The following HIVEP3 variants were observed in gnomAD, a reference collection of about 807,000 sequenced individuals.
HIVEP3 encodes the protein HIVEP zinc finger 3.
HIVEP3 carries 49 observed loss-of-function variants against 152.8 expected under a neutral mutation model. The ratio of observed to expected loss-of-function variants is 0.32; its 90% CI spans 0.26 to 0.41. The LOEUF is 0.41. Among genes scored for constraint, HIVEP3 ranks in the 10% least tolerant of loss-of-function variants. The probability of loss-of-function intolerance (pLI) is 1.00; values close to 1 mark genes in which losing one functional copy is unlikely to be tolerated. For synonymous variants in HIVEP3, 1,269 were observed against 1,289.0 expected (o/e 0.98, Z 0.33); for missense variants, 2,790 against 3,103.3 (o/e 0.90, Z 2.40).
chr1:41,647,469 A>C (rs1436367473), intron 2 of HIVEP3, among the ~76,000 whole-genome samples: 1 of 152,214 alleles, frequency 6.6e-6, no homozygotes, highest in Non-Finnish European at 1.5e-5. Flanking sequence ...GCAAGAGCAG[A>C]AGCAGAGCCA....
intron 2 of HIVEP3, among the ~76,000 whole-genome samples, chr1:41,663,541 G>A (rs1182413160): frequency 6.6e-6 from 1 of 152,194 alleles, no homozygotes; most frequent in Non-Finnish European, 1.5e-5. Context: ...GGGCGGATTA[G>A]TGACCTTGGG....
At chr1:41,762,554 G>A (rs912791128) in intron 1 of HIVEP3, among the ~76,000 whole-genome samples, 13 of 152,308 alleles carry the variant, frequency 8.5e-5, no homozygotes, top group South Asian at 2.1e-4. Flanking sequence ...GGGTGCCACC[G>A]CATTCCCCTC....
intron 1 of HIVEP3, among the ~76,000 whole-genome samples, chr1:41,777,744 C>A (rs762051997): frequency 6.6e-6 from 1 of 152,258 alleles, no homozygotes; most frequent in Non-Finnish European, 1.5e-5. Context: ...AAGCAAACAT[C>A]TGCTGGGGGC....
intron 5 of HIVEP3, among the ~76,000 whole-genome samples, chr1:41,574,448 C>T (rs1644297372): frequency 6.6e-6 from 1 of 152,170 alleles, no homozygotes; most frequent in African/African-American, 2.4e-5. Flanking sequence ...TCATTGACTA[C>T]CCTGCTGCCC....
chr1:42,014,111 A>G (rs371370221), intron 1 of HIVEP3, among the ~76,000 whole-genome samples: 1 of 152,294 alleles, frequency 6.6e-6, no homozygotes, highest in East Asian at 1.9e-4. Flanking sequence ...TTTTGTTTTC[A>G]GCAGAGAAAG....
At chr1:41,715,022 G>T (rs1646570404) in intron 1 of HIVEP3, among the ~76,000 whole-genome samples, 1 of 152,120 alleles carries the variant, frequency 6.6e-6, no homozygotes. Flanking sequence ...CATCGGGGGA[G>T]CTGGCACACC....
At chr1:41,827,198 G>T (rs1312183676) in intron 1 of HIVEP3, among the ~76,000 whole-genome samples, 1 of 152,218 alleles carries the variant, frequency 6.6e-6, no homozygotes, top group African/African-American at 2.4e-5. Context: ...GCCCAATGGA[G>T]AGGCACTTTC....
At chr1:41,907,779 A>G (rs1644737648) in intron 1 of HIVEP3, among the ~76,000 whole-genome samples, 2 of 152,308 alleles carry the variant, frequency 1.3e-5, no homozygotes, top group African/African-American at 4.8e-5. Context: ...CTCTTGGACA[A>G]AGAGAGTTTA....
At chr1:41,601,869 G>A (rs536489046) in intron 3 of HIVEP3, among the ~76,000 whole-genome samples, 14 of 152,204 alleles carry the variant, frequency 9.2e-5, no homozygotes, top group African/African-American at 2.6e-4. Context: ...TATAGTATTA[G>A]CTGTAAGCTT....
At chr1:41,718,730 C>T (rs1646632010) in intron 1 of HIVEP3, among the ~76,000 whole-genome samples, 1 of 152,028 alleles carries the variant, frequency 6.6e-6, no homozygotes, top group South Asian at 2.1e-4. Flanking sequence ...TCTTCCCATT[C>T]CCTCCTCTGT....
At position 41,518,436 on chromosome 1, in the gene HIVEP3, C is replaced by G; in HGVS notation, c.5436G>C (p.Glu1812Asp). ...KSKAHSKKCQ[E>D]TGVLEELEAE... Reference sequence around the variant, plus strand: ...CTTCCAGCTCCTCCAGCACCCCTGTCTCTTGGCACTTTTTGCTGTGGGCCT... The same window carrying G: ...CTTCCAGCTCCTCCAGCACCCCTGTGTCTTGGCACTTTTTGCTGTGGGCCT... The change falls in exon 7 of 9, where the codon GAG becomes GAC. Residue 1812 changes from glutamate to aspartate, a missense_variant. Transcript: ENST00000372583. The G allele has an allele frequency of 6.2e-7, 1 of 1,614,216 alleles. No individual in the cohort carries two copies. The highest frequency in any genetic ancestry group is 1.1e-5 in the South Asian group (1 of 91,088).
intron 1 of HIVEP3, among the ~76,000 whole-genome samples, chr1:41,844,683 T>A (rs983193616): frequency 6.6e-6 from 1 of 152,222 alleles, no homozygotes; most frequent in Non-Finnish European, 1.5e-5. Context: ...ATCTAGGACC[T>A]TCAAGTCTCA....
chr1:42,033,827 A>C (rs1645626664), intron 1 of HIVEP3, among the ~76,000 whole-genome samples: 1 of 152,242 alleles, frequency 6.6e-6, no homozygotes, highest in South Asian at 2.1e-4. Context: ...AGGATAGTCC[A>C]GTGGTTAAGA....
At chr1:41,655,311 G>A (rs1036367534) in intron 2 of HIVEP3, among the ~76,000 whole-genome samples, 3 of 152,004 alleles carry the variant, frequency 2.0e-5, no homozygotes, top group Admixed American at 1.3e-4. Context: ...GGCCGCGCGC[G>A]GTGGCTCATG....
At chr1:41,691,472 C>T (rs1208234751) in intron 2 of HIVEP3, among the ~76,000 whole-genome samples, 2 of 152,130 alleles carry the variant, frequency 1.3e-5, no homozygotes, top group Admixed American at 6.5e-5. Flanking sequence ...GAGGTGGGGC[C>T]TTTGGGAGGT....
chr1:41,941,034 A>G (rs950708712), intron 1 of HIVEP3, among the ~76,000 whole-genome samples: 4 of 152,230 alleles, frequency 2.6e-5, no homozygotes, highest in African/African-American at 9.6e-5. Flanking sequence ...AATTTTGCTG[A>G]AAGTATCTAT....
chr1:41,755,496 TG>T (rs1282371685), intron 1 of HIVEP3, among the ~76,000 whole-genome samples: 1 of 151,960 alleles, frequency 6.6e-6, no homozygotes, highest in African/African-American at 2.4e-5. Context: ...CATAAGACCC[TG>T]TTAAGAGAAT....
In HIVEP3 at chr1:41,511,258, G is replaced by A. The variant is rs146058477; in HGVS notation, c.6414C>T (p.Ala2138=). The A allele has an allele frequency of 6.3e-5, 101 of 1,602,668 alleles. No homozygotes were observed. Among genetic ancestry groups the A allele is most frequent in the Middle Eastern group, 5.5e-4 (3 of 5,502 alleles). ...GTGAGCAGGAGGGACTTCGGGACTC[G>A]GCCTTCTGCTGGGGTCAGAAAACAA... ...PETCASPWQK[A]ESRSPSCSPG... The change falls in exon 9 of 9, where the codon GCC becomes GCT. Residue 2138 remains alanine, a synonymous_variant. Coordinates refer to ENST00000372583, the MANE Select transcript of HIVEP3 (RefSeq NM_024503.5). This position sits in a 1 kb window ranked among gnomAD's most constrained non-coding sequence, Gnocchi z 4.9.
At chr1:41,690,145 A>G (rs1005657210) in intron 2 of HIVEP3, among the ~76,000 whole-genome samples, 21 of 152,238 alleles carry the variant, frequency 1.4e-4, no homozygotes, top group African/African-American at 5.1e-4. Context: ...ACACCAGCTT[A>G]TGGCAGGGGA....
Sources: allele counts gnomAD v4.1 joint callset (sites outside exome capture counted in the v4.1 genomes callset), GRCh38; gene constraint gnomAD v4.1.1; non-coding constraint Gnocchi (gnomAD v3.1); transcripts MANE v1.5; gene names NCBI Gene and HGNC (gene_info 2026-07-23, HGNC 2026-07-21).